Variants in SMG6 observed in about 807,000 individuals in gnomAD.
SMG6 encodes SMG6 nonsense mediated mRNA decay factor.
SMG6 carries 66 observed loss-of-function variants against 142.2 expected under a neutral mutation model. That is an observed-to-expected ratio of 0.46 (90% CI 0.38 to 0.57). The LOEUF (loss-of-function observed/expected upper bound fraction) is 0.57, where lower values mean the gene tolerates loss of function less well. Among genes scored for constraint, SMG6 ranks in the 20% least tolerant of loss-of-function variants. SMG6 has a pLI of 0.00. For missense variants in SMG6, 1,793 were observed against 1,832.0 expected (o/e 0.98, Z 0.39); for synonymous variants, 779 against 702.4 (o/e 1.11, Z -1.72).
chr17:2,292,476 G>A, intron 6 of SMG6, 76 bp downstream of exon 6: 2 of 1,385,014 alleles, frequency 1.4e-6, no homozygotes, highest in South Asian at 1.2e-5. Context: ...GAAGCTCCAG[G>A]AACTGATATT....
chr17:2,297,246 C>T lies in SMG6; in HGVS notation c.2148G>A (p.Lys716=), dbSNP rs1447631992. 2.5e-6 allele frequency: 4 copies of T among 1,597,650 alleles called. No homozygotes were observed. The East Asian group carries it at 6.7e-5, about 27-fold the overall frequency. Residue 716 remains lysine, a synonymous_variant, in exon 4 of 19, where the codon AAG becomes AAA. Coordinates refer to ENST00000263073, the MANE Select transcript of SMG6 (RefSeq NM_017575.5). Reference sequence around the variant, plus strand: ...ATACATAAAGAAGGTAGCTTACTGTCTTGCGTAATGGCTTGCTGCGAATGG... The same window carrying T: ...ATACATAAAGAAGGTAGCTTACTGTTTTGCGTAATGGCTTGCTGCGAATGG... ...GLAIRSKPLR[K]TVKYALISAQ...
chr17:2,164,659 G>A (rs975994811), intron 13 of SMG6, among the ~76,000 whole-genome samples: 6 of 152,024 alleles, frequency 3.9e-5, no homozygotes, highest in Admixed American at 3.3e-4. Flanking sequence ...ACAACCAGCC[G>A]GGAACGGTGG....
At chr17:2,289,293 T>G (rs2074978786) in intron 6 of SMG6, among the ~76,000 whole-genome samples, 1 of 151,990 alleles carries the variant, frequency 6.6e-6, no homozygotes. Flanking sequence ...CAGTGACTCA[T>G]GCCTGTAATC....
At chr17:2,165,510 T>A (rs2071309685) in intron 13 of SMG6, among the ~76,000 whole-genome samples, 1 of 152,252 alleles carries the variant, frequency 6.6e-6, no homozygotes, top group South Asian at 2.1e-4. Flanking sequence ...ACTTTATCCT[T>A]ACTGGTTGAG....
At chr17:2,114,113 T>C (rs1454669720) in intron 13 of SMG6, among the ~76,000 whole-genome samples, 2 of 151,618 alleles carry the variant, frequency 1.3e-5, no homozygotes, top group Admixed American at 6.6e-5. Flanking sequence ...ACTAAAAAAA[T>C]ACAAAAATTA....
Position 2,225,259 on chromosome 17 carries a change from C to A in SMG6, c.2869+11233G>T, listed in dbSNP as rs571713706. On this transcript the variant is annotated intron_variant, in intron 10 of 18. Transcript: ENST00000263073. ...TTGGGAGGCTGAGGTGGGGAGATCACTTGAGGTCAGGAGTTCGAGACCAAC... is the reference window on the plus strand; with the variant it reads ...TTGGGAGGCTGAGGTGGGGAGATCAATTGAGGTCAGGAGTTCGAGACCAAC... Among the ~76,000 whole-genome samples, 14 of 151,248 alleles carry A rather than the reference C, an allele frequency of 9.3e-5. No individual in the cohort carries two copies. The South Asian group carries it at 2.9e-3, about 32-fold the overall frequency.
intron 13 of SMG6, among the ~76,000 whole-genome samples, chr17:2,160,903 A>T (rs979611254): frequency 6.6e-6 from 1 of 152,062 alleles, no homozygotes; most frequent in East Asian, 1.9e-4. Context: ...ATATGATATT[A>T]TATTAGTAAA....
chr17:2,085,687 C>G lies in SMG6; in HGVS notation c.3534+38G>C. 1.3e-6 allele frequency: 2 copies of G among 1,582,034 alleles called. No homozygotes were observed. The highest frequency in any genetic ancestry group is 1.7e-6 in the Non-Finnish European group (2 of 1,162,368). On this transcript the variant is annotated intron_variant, in intron 14 of 18. Transcript: ENST00000263073. The surrounding 1 kb of genome is among the most constrained non-coding windows in gnomAD (Gnocchi z 4.1). ...AGCCACGAGCAGAATGGGGAGGGGG[C>G]CTTCCCTCTGCCACAGCGGGCTCTT...
chr17:2,142,145 G>A (rs1368371654), intron 13 of SMG6, among the ~76,000 whole-genome samples: 1 of 152,060 alleles, frequency 6.6e-6, no homozygotes, highest in African/African-American at 2.4e-5. Context: ...GAATACAGGC[G>A]CACACCAGCT....
intron 10 of SMG6, among the ~76,000 whole-genome samples, chr17:2,235,239 G>C (rs1217176342): frequency 6.6e-6 from 1 of 152,158 alleles, no homozygotes; most frequent in Non-Finnish European, 1.5e-5. Context: ...AGTTCAAAAA[G>C]GCATCTAAGC....
intron 13 of SMG6, among the ~76,000 whole-genome samples, chr17:2,171,720 T>A (rs977408215): frequency 6.7e-6 from 1 of 149,886 alleles, no homozygotes; most frequent in Non-Finnish European, 1.5e-5. Flanking sequence ...TGGCTCATGT[T>A]TGGAATTTTT....
Position 2,068,790 on chromosome 17 carries a change from C to G in SMG6, c.3823G>C (p.Val1275Leu), listed in dbSNP as rs767044468. The change falls in exon 16 of 19, where the codon GTG becomes CTG. Residue 1275 changes from valine to leucine, a missense_variant. Coordinates refer to ENST00000263073, the MANE Select transcript of SMG6 (RefSeq NM_017575.5). This position sits in a 1 kb window ranked among gnomAD's most constrained non-coding sequence, Gnocchi z 6.7. ...LLESRKYILV[V>L]PLIVINELDG... ...CCGCCTGACTCACCGATGAGGGGCA[C>G]CACCAGGATGTACTTCCTGCTCTCC... The G allele has an allele frequency of 6.2e-7, 1 of 1,614,132 alleles. No homozygotes were observed. Among genetic ancestry groups the G allele is most frequent in the Non-Finnish European group, 8.5e-7 (1 of 1,179,976 alleles).
At chr17:2,135,520 T>C (rs1399995761) in intron 13 of SMG6, among the ~76,000 whole-genome samples, 4 of 152,146 alleles carry the variant, frequency 2.6e-5, no homozygotes, top group African/African-American at 9.7e-5. Flanking sequence ...TTAGTGACTT[T>C]ATCACAAAGC....
chr17:2,172,526 G>A (rs1322918511), intron 13 of SMG6, 132 bp downstream of exon 13: 10 of 933,810 alleles, frequency 1.1e-5, no homozygotes, highest in South Asian at 3.3e-5. Context: ...CTAAAAGGTC[G>A]ATATTTTCCC....
At chr17:2,278,376 TG>T (rs1178065068) in intron 8 of SMG6, among the ~76,000 whole-genome samples, 3 of 152,060 alleles carry the variant, frequency 2.0e-5, no homozygotes, top group African/African-American at 4.8e-5. Flanking sequence ...GTAACTTTTT[TG>T]TATTTTTAGT....
intron 13 of SMG6, among the ~76,000 whole-genome samples, chr17:2,091,701 C>T (rs1370929707): frequency 1.3e-5 from 2 of 148,958 alleles, no homozygotes; most frequent in Admixed American, 6.7e-5. Flanking sequence ...GAGAGAGTCT[C>T]GCTCTGTTGC....
chr17:2,188,570 C>T, intron 10 of SMG6, 55 bp from the exon 11 acceptor site: 1 of 1,467,068 alleles, frequency 6.8e-7, no homozygotes, highest in Non-Finnish European at 9.5e-7. Context: ...ATGCACATCA[C>T]TGGCCACGTT....
At chr17:2,298,761 T>G in intron 2 of SMG6, 145 bp downstream of exon 2, 1 of 739,540 alleles carries the variant, frequency 1.4e-6, no homozygotes. Flanking sequence ...TTCTGTTCTG[T>G]TTCCAACTGC....
intron 13 of SMG6, among the ~76,000 whole-genome samples, chr17:2,130,209 G>A (rs1447258441): frequency 4.6e-5 from 6 of 130,836 alleles, no homozygotes; most frequent in African/African-American, 8.9e-5. Flanking sequence ...GCAGTGAGCC[G>A]AGATTGCGCC....
Sources: allele counts gnomAD v4.1 joint callset (sites outside exome capture counted in the v4.1 genomes callset), GRCh38; gene constraint gnomAD v4.1.1; non-coding constraint Gnocchi (gnomAD v3.1); transcripts MANE v1.5; gene names NCBI Gene and HGNC (gene_info 2026-07-23, HGNC 2026-07-21).